Variants in SMC3 observed in about 807,000 individuals in gnomAD.
The protein encoded by SMC3 is structural maintenance of chromosomes 3.
Under a neutral mutation model 171.8 loss-of-function variants are expected in SMC3, and 20 were observed. The observed-to-expected ratio is 0.12, with a 90% CI of 0.08 to 0.17. The LOEUF (loss-of-function observed/expected upper bound fraction) is 0.17. Ranked by LOEUF, SMC3 falls within the 10% of genes least tolerant of loss-of-function variation. SMC3 has a pLI of 1.00. For synonymous variants in SMC3, 464 were observed against 451.1 expected (o/e 1.03, Z -0.36); for missense variants, 543 against 1,420.4 (o/e 0.38, Z 9.93).
Position 110,602,631 on chromosome 10 carries a change from C to G in SMC3, c.3263C>G (p.Pro1088Arg), listed in dbSNP as rs765693201. The G allele has an allele frequency of 6.2e-7, 1 of 1,614,028 alleles. No homozygotes were observed. Among genetic ancestry groups the G allele is most frequent in the Admixed American group, 1.7e-5 (1 of 60,010 alleles). ...ERGSGSQSSV[P>R]SVDQFTGVGI... ...GGTTCTGGCTCACAAAGCAGTGTCC[C>G]ATCAGTTGACCAGTTTACTGGAGTT... The change falls in exon 26 of 29, where the codon CCA becomes CGA. Residue 1088 changes from proline (P) to arginine (R), a missense_variant. Pro to Arg is a moderately radical substitution (Grantham distance 103). This residue lies in a region of SMC3 where 34 missense variants were observed against 59.1 expected (regional missense o/e 0.58). Transcript: ENST00000361804.
At chr10:110,598,499 TG>T (rs1861335544) in intron 20 of SMC3, among the ~76,000 whole-genome samples, 1 of 152,138 alleles carries the variant, frequency 6.6e-6, no homozygotes, top group East Asian at 1.9e-4. Context: ...CTCCACCTCC[TG>T]GGTTCAAGCG....
intron 17 of SMC3, among the ~76,000 whole-genome samples, chr10:110,592,117 T>C (rs935103409): frequency 6.6e-6 from 1 of 151,976 alleles, no homozygotes; most frequent in South Asian, 2.1e-4. Context: ...TACAAAAAAT[T>C]AGCTGGACAT....
chr10:110,593,944 C>T (rs1406748490), intron 18 of SMC3, among the ~76,000 whole-genome samples: 2 of 152,102 alleles, frequency 1.3e-5, no homozygotes, highest in African/African-American at 2.4e-5. Flanking sequence ...GCCAAGATCA[C>T]ACCCCTGCAC....
intron 13 of SMC3, among the ~76,000 whole-genome samples, chr10:110,589,067 A>G (rs897778265): frequency 3.9e-5 from 6 of 151,904 alleles, no homozygotes; most frequent in African/African-American, 1.5e-4. Context: ...CTGGTGTGGT[A>G]TGCTCTTTTG....
chr10:110,597,458 T>C (rs371538781), intron 19 of SMC3, among the ~76,000 whole-genome samples: 9 of 152,218 alleles, frequency 5.9e-5, no homozygotes, highest in Non-Finnish European at 1.0e-4. Flanking sequence ...AGAATAGATA[T>C]AAAGTTAATG....
At chr10:110,587,667 C>G (rs1049121737) in intron 13 of SMC3, among the ~76,000 whole-genome samples, 4 of 140,724 alleles carry the variant, frequency 2.8e-5, no homozygotes, top group Non-Finnish European at 4.5e-5. Context: ...GCCTGGACGA[C>G]AGAGCGAGAC....
chr10:110,601,024 A>G lies in SMC3; in HGVS notation c.2538A>G (p.Glu846=). The G allele has an allele frequency of 6.2e-7, 1 of 1,610,456 alleles. No individual in the cohort carries two copies. Among genetic ancestry groups the G allele is most frequent in the South Asian group, 1.1e-5 (1 of 90,950 alleles). ...LRKRLDQVEQ[E]LNELRETEGG... ...GGAATTTGTATTTTTTGTTACAGGA[A>G]CTTAATGAGCTGAGAGAGACAGAAG... The change falls in exon 23 of 29, where the codon GAA becomes GAG. Residue 846 remains glutamate (E), a splice_region_variant and synonymous_variant. Coordinates refer to ENST00000361804, the MANE Select transcript of SMC3 (RefSeq NM_005445.4).
chr10:110,569,958 G>C (rs917084297), intron 2 of SMC3, among the ~76,000 whole-genome samples: 10 of 152,348 alleles, frequency 6.6e-5, no homozygotes, highest in South Asian at 6.2e-4. Context: ...CAGTTTTGCT[G>C]TACAGAGTCC....
In SMC3 at chr10:110,576,868, AT is replaced by A. The variant is rs145107232; in HGVS notation, c.199-552del. 7.6e-3 allele frequency among the ~76,000 whole-genome samples: 1,150 copies of A among 152,290 alleles called. 15 individuals carry two copies. Among genetic ancestry groups the A allele is most frequent in the African/African-American group, 0.026 (1,083 of 41,550 alleles). On this transcript the variant is annotated intron_variant, in intron 4 of 28. Coordinates refer to ENST00000361804, the MANE Select transcript of SMC3 (RefSeq NM_005445.4). The stretch of plus-strand genomic sequence containing the variant: ...TTGGTTTAAATGTGACACATGTTAA[AT>A]GTGTATATTTCTATAATAGATTTAA...
intron 13 of SMC3, among the ~76,000 whole-genome samples, chr10:110,586,375 T>G (rs1861115934): frequency 6.6e-6 from 1 of 152,210 alleles, no homozygotes; most frequent in Non-Finnish European, 1.5e-5. Context: ...AGTGGAAAAG[T>G]TGGGTTAATC....
intron 17 of SMC3, among the ~76,000 whole-genome samples, chr10:110,591,951 A>G (rs1234553867): frequency 6.6e-6 from 1 of 152,108 alleles, no homozygotes; most frequent in Non-Finnish European, 1.5e-5. Context: ...GCGTGGTTCC[A>G]TTTACGCTGA....
rs774242557 is a variant in SMC3 at position 110,584,187 on chromosome 10, G to A, written c.1096G>A (p.Ala366Thr). 12 of 1,612,088 alleles carry A rather than the reference G, an allele frequency of 7.4e-6. No homozygotes were observed. The highest frequency in any genetic ancestry group is 1.0e-5 in the Non-Finnish European group (12 of 1,179,192). ...EKEERGIARL[A>T]QATQERTDLY... ...ATTTGCTTCTATTTTGTGTAGATTG[G>A]CTCAAGCTACCCAGGAAAGAACGGA... The change falls in exon 13 of 29, where the codon GCT (alanine) becomes ACT (threonine). Residue 366 changes from alanine to threonine, a missense_variant. This residue lies in a region of SMC3 where 146 missense variants were observed against 437.9 expected (regional missense o/e 0.33). Coordinates refer to ENST00000361804, the MANE Select transcript of SMC3 (RefSeq NM_005445.4).
At chr10:110,584,475 T>G in intron 13 of SMC3, 79 bp downstream of exon 13, 1 of 1,010,420 alleles carries the variant, frequency 9.9e-7, no homozygotes, top group African/African-American at 1.6e-5. Context: ...TCAAGTTTTC[T>G]TTTTAAATAA....
rs575165493 is a variant in SMC3 at position 110,567,735 on chromosome 10, C to G, written c.-82C>G. ...GCGAGCGGCGCTTTGGGGGAGGGGT[C>G]GCGTAGGCGCCTCACCTGACCCTGC... On this transcript the variant is annotated 5_prime_UTR_variant, in exon 1 of 29. Transcript: ENST00000361804. The G allele has an allele frequency of 1.3e-6, 2 of 1,544,718 alleles. No homozygotes were observed. The highest frequency in any genetic ancestry group is 1.7e-5 in the Admixed American group (1 of 58,824).
intron 2 of SMC3, among the ~76,000 whole-genome samples, chr10:110,571,873 G>A (rs1249670575): frequency 1.3e-5 from 2 of 151,904 alleles, no homozygotes; most frequent in Non-Finnish European, 2.9e-5. Context: ...TCTCCTTCAG[G>A]ATAAATCTTG....
rs374081444 is a variant in SMC3, at chr10:110,577,403, C to A, written c.199-18C>A. ...TATACAACTTAAATGGCAAATTTCT[C>A]ACTTCTTTCATTTTTAGGAAGGTAC... On this transcript the variant is annotated intron_variant, in intron 4 of 28. Coordinates refer to ENST00000361804, the MANE Select transcript of SMC3 (RefSeq NM_005445.4). The A allele has an allele frequency of 1.3e-6, 2 of 1,591,222 alleles. No homozygotes were observed. Among genetic ancestry groups the A allele is most frequent in the East Asian group, 2.2e-5 (1 of 44,636 alleles).
intron 13 of SMC3, among the ~76,000 whole-genome samples, chr10:110,586,694 T>G (rs546256818): frequency 6.6e-6 from 1 of 152,278 alleles, no homozygotes; most frequent in South Asian, 2.1e-4. Context: ...AGCCCCACTC[T>G]GTTGCCAGGC....
rs1010292769 is a variant in SMC3, at chr10:110,586,410, A to G, written c.1305+2014A>G. 2.0e-5 allele frequency among the ~76,000 whole-genome samples: 3 copies of G among 152,218 alleles called. No homozygotes were observed. The South Asian group carries it at 6.2e-4, about 32-fold the overall frequency. On this transcript the variant is annotated intron_variant, in intron 13 of 28. Coordinates refer to ENST00000361804, the MANE Select transcript of SMC3 (RefSeq NM_005445.4). ...CCAGGCAGTTCTTTATATGGTTAGT[A>G]TAGTCTGAACTGATAGTTAACACCT...
intron 13 of SMC3, among the ~76,000 whole-genome samples, chr10:110,587,371 G>A (rs1221534186): frequency 1.3e-5 from 2 of 152,190 alleles, no homozygotes; most frequent in Non-Finnish European, 2.9e-5. Flanking sequence ...AAAAAACAAA[G>A]TATGTAGGAC....
Sources: gnomAD v4.1 joint callset for allele counts (sites outside exome capture counted in the v4.1 genomes callset) on GRCh38, gnomAD v4.1.1 for gene constraint, gnomAD v4.1.1 regional missense constraint, MANE v1.5 for transcripts, NCBI Gene and HGNC (gene_info 2026-07-23, HGNC 2026-07-21) for gene names.